Variants in AXIN1 observed in about 807,000 individuals in gnomAD.
AXIN1 encodes the protein axin 1.
AXIN1 carries 30 observed loss-of-function variants against 76.4 expected under a neutral mutation model. That is an observed-to-expected ratio of 0.39 (90% CI 0.29 to 0.53). The LOEUF is 0.53. Among genes scored for constraint, AXIN1 ranks in the 20% least tolerant of loss-of-function variants. The probability of loss-of-function intolerance (pLI) is 0.66; values close to 1 mark genes in which losing one functional copy is unlikely to be tolerated. For missense variants in AXIN1, 1,140 were observed against 1,198.8 expected (o/e 0.95, Z 0.72); for synonymous variants, 545 against 501.4 (o/e 1.09, Z -1.16).
At chr16:347,202 C>T in intron 1 of AXIN1, 96 bp from the exon 2 acceptor site, 2 of 1,072,486 alleles carry the variant, frequency 1.9e-6, no homozygotes, top group Non-Finnish European at 2.7e-6. Flanking sequence ...TGACGCCCTC[C>T]CGCTCAAACT....
intron 2 of AXIN1, among the ~76,000 whole-genome samples, chr16:320,948 C>A (rs904243566): frequency 6.6e-6 from 1 of 152,076 alleles, no homozygotes; most frequent in East Asian, 1.9e-4. Context: ...CCGTGTTGGT[C>A]AGGCTGGTCT....
chr16:352,563 CAG>C lies in AXIN1; in HGVS notation c.-278_-277del. The C allele has an allele frequency of 8.0e-6, 2 of 250,566 alleles. No individual in the cohort carries two copies. Among genetic ancestry groups the C allele is most frequent in the Non-Finnish European group, 1.2e-5 (2 of 161,186 alleles). 15.5% of individuals were successfully genotyped at this position (250,566 alleles called of 1,614,324 possible). A position where few individuals can be genotyped will look rare whatever the true frequency, so the allele number is the denominator to read the frequency against. On this transcript the variant is annotated 5_prime_UTR_variant, in exon 1 of 11. Transcript: ENST00000262320. ...AGGCCGCGGGGGCGCCGCAGGGGCC[CAG>C]CCGCCAGCTCCCACCCGCCCGCTCC...
At chr16:340,419 G>A (rs1159112871) in intron 2 of AXIN1, among the ~76,000 whole-genome samples, 3 of 152,248 alleles carry the variant, frequency 2.0e-5, no homozygotes, top group Non-Finnish European at 4.4e-5. Context: ...AGGGGCCAGC[G>A]GCGAGGAGAC....
chr16:329,789 ATT>A (rs773869039), intron 2 of AXIN1, among the ~76,000 whole-genome samples: 17 of 131,174 alleles, frequency 1.3e-4, no homozygotes, highest in African/African-American at 2.8e-4. Context: ...TTGCCCGGCT[ATT>A]TTTTTTTTTT....
Position 314,622 on chromosome 16 carries a change from G to C in AXIN1, c.940C>G (p.Pro314Ala). ...TCGCTGTCGTTGGCACTGGTGGCTG[G>C]GGCCAGGGCATAGCCGGCATTGACA... ...YYVNAGYALA[P>A]ATSANDSEQQ... The change falls in exon 3 of 11, where the codon CCA (proline) becomes GCA (alanine). Residue 314 changes from proline (P) to alanine (A), a missense_variant. By Grantham distance (27) the Pro-to-Ala change is conservative. Transcript: ENST00000262320. 6.2e-7 allele frequency: 1 copy of C among 1,614,066 alleles called. No homozygotes were observed. Among genetic ancestry groups the C allele is most frequent in the South Asian group, 1.1e-5 (1 of 91,080 alleles).
chr16:320,815 C>CAACCTCCGCCTCCTGGG (rs2053433297), intron 2 of AXIN1, among the ~76,000 whole-genome samples: 1 of 143,568 alleles, frequency 7.0e-6, no homozygotes, highest in Non-Finnish European at 1.5e-5. Context: ...TCTCGGCTCA[C>CAACCTCCGCCTCCTGGG]TACAACCTCC....
At chr16:325,049 A>T (rs868836645) in intron 2 of AXIN1, among the ~76,000 whole-genome samples, 1 of 151,988 alleles carries the variant, frequency 6.6e-6, no homozygotes, top group Non-Finnish European at 1.5e-5. Context: ...TCTGACGCGC[A>T]CCAGATCACA....
At chr16:341,266 G>C (rs1385883187) in intron 2 of AXIN1, among the ~76,000 whole-genome samples, 1 of 152,276 alleles carries the variant, frequency 6.6e-6, no homozygotes, top group East Asian at 1.9e-4. Context: ...AGGTGTGGAG[G>C]GAGAGGCGCG....
chr16:332,276 G>A (rs1023358499), intron 2 of AXIN1, among the ~76,000 whole-genome samples: 1 of 152,186 alleles, frequency 6.6e-6, no homozygotes, highest in Non-Finnish European at 1.5e-5. Context: ...TTTAGAAACA[G>A]GATATAAAAC....
chr16:352,219 C>T (rs1386609638), intron 1 of AXIN1, 150 bp downstream of exon 1: 57 of 405,386 alleles, frequency 1.4e-4, no homozygotes, highest in Non-Finnish European at 1.8e-4. Context: ...GCCGCCAGTC[C>T]CGCTGCCCAG....
intron 2 of AXIN1, among the ~76,000 whole-genome samples, chr16:316,968 C>T (rs1293708694): frequency 1.3e-5 from 2 of 152,174 alleles, no homozygotes; most frequent in Non-Finnish European, 2.9e-5. Flanking sequence ...ACCAAGACAC[C>T]TCCCAAGGCT....
At chr16:307,655 G>A (rs1275422742) in intron 4 of AXIN1, among the ~76,000 whole-genome samples, 1 of 152,170 alleles carries the variant, frequency 6.6e-6, no homozygotes, top group African/African-American at 2.4e-5. Context: ...CTGGGCCTCC[G>A]TGGGTGCAGC....
chr16:287,576 C>T lies in AXIN1; in HGVS notation c.*546G>A, dbSNP rs183298341. 1.2e-3 allele frequency: 380 copies of T among 310,072 alleles called. 4 individuals are homozygous for T. Among genetic ancestry groups the T allele is most frequent in the African/African-American group, 6.6e-3 (315 of 47,734 alleles). 19.2% of individuals were successfully genotyped at this position (310,072 alleles called of 1,614,324 possible). A position where few individuals can be genotyped will look rare whatever the true frequency, so the allele number is the denominator to read the frequency against. On this transcript the variant is annotated 3_prime_UTR_variant, in exon 11 of 11. Coordinates refer to ENST00000262320, the MANE Select transcript of AXIN1 (RefSeq NM_003502.4). ...AGCCTGAGAAATGTACATATTTACA[C>T]GGGCCCTCAGAAAGGAGGACCCAGG... is the stretch of plus-strand genomic sequence containing the variant.
chr16:317,324 T>C (rs1275333005), intron 2 of AXIN1, among the ~76,000 whole-genome samples: 2 of 152,116 alleles, frequency 1.3e-5, no homozygotes, highest in African/African-American at 2.4e-5. Flanking sequence ...CTCCATGCCC[T>C]CTGGAGGGTA....
At chr16:335,893 G>GA (rs1282437468) in intron 2 of AXIN1, among the ~76,000 whole-genome samples, 5 of 151,848 alleles carry the variant, frequency 3.3e-5, no homozygotes, top group Non-Finnish European at 1.5e-5. Context: ...TTAATCAAAT[G>GA]AAAAAAACGG....
chr16:342,608 G>C (rs928638337), intron 2 of AXIN1, among the ~76,000 whole-genome samples: 1 of 152,186 alleles, frequency 6.6e-6, no homozygotes, highest in African/African-American at 2.4e-5. Flanking sequence ...TTTCCTTCAG[G>C]AGTGACCCTG....
At chr16:291,363 A>T (rs2052556304) in intron 8 of AXIN1, 66 bp from the exon 9 acceptor site, 3 of 1,349,852 alleles carry the variant, frequency 2.2e-6, no homozygotes, top group Admixed American at 3.9e-5. Context: ...GGGAGCCTCG[A>T]CCAATGCTGC....
At chr16:320,723 G>GTATATA (rs754089481) in intron 2 of AXIN1, among the ~76,000 whole-genome samples, 39 of 120,094 alleles carry the variant, frequency 3.2e-4, no homozygotes, top group Middle Eastern at 4.5e-3. Context: ...GCGTGTGTGT[G>GTATATA]TATATATATA....
At chr16:288,301 G>A (rs2141461135) in intron 10 of AXIN1, 53 bp from the exon 11 acceptor site, 1 of 1,611,736 alleles carries the variant, frequency 6.2e-7, no homozygotes, top group Non-Finnish European at 8.5e-7. Context: ...CAGATGGGAA[G>A]GAGGCCTGTG....
Sources: gnomAD v4.1 joint callset for allele counts (sites outside exome capture counted in the v4.1 genomes callset) on GRCh38, gnomAD v4.1.1 for gene constraint, MANE v1.5 for transcripts, NCBI Gene and HGNC (gene_info 2026-07-23, HGNC 2026-07-21) for gene names.